Variants in CAPZA1 observed in about 807,000 individuals in gnomAD.
CAPZA1 encodes F-actin-capping protein subunit alpha-1.
CAPZA1 carries 10 observed loss-of-function variants against 40.8 expected under a neutral mutation model. That is an observed-to-expected ratio of 0.25 (90% CI 0.15 to 0.42). The LOEUF (loss-of-function observed/expected upper bound fraction) is 0.42, where lower values mean the gene tolerates loss of function less well. Ranked by LOEUF, CAPZA1 falls within the 10% of genes least tolerant of loss-of-function variation. The probability of loss-of-function intolerance (pLI) is 1.00; values close to 1 mark genes in which losing one functional copy is unlikely to be tolerated. For missense variants in CAPZA1, 277 were observed against 353.8 expected, an observed-to-expected ratio of 0.78 and a Z score of 1.74; for synonymous variants, 98 against 115.0, an observed-to-expected ratio of 0.85 and a Z score of 0.95.
At chr1:112,647,521 A>G (rs1346003798) in intron 2 of CAPZA1, among the ~76,000 whole-genome samples, 1 of 152,246 alleles carries the variant, frequency 6.6e-6, no homozygotes, top group Non-Finnish European at 1.5e-5. Context: ...GAAAAGATTT[A>G]ATGCAGATTA....
chr1:112,638,965 TAG>T (rs974092093), intron 1 of CAPZA1, among the ~76,000 whole-genome samples: 5 of 148,728 alleles, frequency 3.4e-5, no homozygotes, highest in South Asian at 2.1e-4. Flanking sequence ...GAGATATATA[TAG>T]AGAGAGAATA....
Position 112,658,117 on chromosome 1 carries a change from A to G in CAPZA1, c.427-905A>G, listed in dbSNP as rs116201948. 9.1e-4 allele frequency among the ~76,000 whole-genome samples: 139 copies of G among 152,302 alleles called. 1 individual carries two copies. Among genetic ancestry groups the G allele is most frequent in the African/African-American group, 3.2e-3 (134 of 41,570 alleles). ...TCTGTAGATAACACTGTATTTCATC[A>G]GATTTATTAGAGGAAAAAGAAAATA... On this transcript the variant is annotated intron_variant, in intron 5 of 9. Coordinates refer to ENST00000263168, the MANE Select transcript of CAPZA1 (RefSeq NM_006135.3).
At chr1:112,652,421 G>A (rs943948488) in intron 3 of CAPZA1, among the ~76,000 whole-genome samples, 2 of 148,540 alleles carry the variant, frequency 1.3e-5, no homozygotes, top group Non-Finnish European at 3.0e-5. Flanking sequence ...GGAGGTTGTG[G>A]TGAGCCAAGA....
rs549049248 is a variant in CAPZA1 at position 112,620,210 on chromosome 1, G to A, written c.39+327G>A. On this transcript the variant is annotated intron_variant, in intron 1 of 9. Transcript: ENST00000263168. ...TTTGCGAGAGGGTGGTGGTTATGTTGCGACATATCAAAAAGCAGTTATTTT... is the reference window on the plus strand; with the variant it reads ...TTTGCGAGAGGGTGGTGGTTATGTTACGACATATCAAAAAGCAGTTATTTT... 85 of 256,324 alleles carry A rather than the reference G, an allele frequency of 3.3e-4. 2 individuals are homozygous for A. The East Asian group carries it at 5.8e-3, about 17-fold the overall frequency. The allele number at this position is 256,324 out of a possible 1,614,324, so 15.9% of individuals were successfully genotyped here. A position where few individuals can be genotyped will look rare whatever the true frequency, so the allele number is the denominator to read the frequency against.
chr1:112,632,833 A>G (rs752028044), intron 1 of CAPZA1, among the ~76,000 whole-genome samples: 25 of 152,216 alleles, frequency 1.6e-4, no homozygotes, highest in Non-Finnish European at 3.1e-4. Flanking sequence ...AGAGAAAACA[A>G]TTTCTAAAGA....
In CAPZA1 at chr1:112,653,608, C is replaced by A; in HGVS notation, c.166C>A (p.Gln56Lys). Reference sequence around the variant, plus strand: ...TTTAAAAAAAAACAGTGCATTTGCCCAGTATAACATGGATCAGTTCACGCC... The same window carrying A: ...TTTAAAAAAAAACAGTGCATTTGCCAAGTATAACATGGATCAGTTCACGCC... The part of the protein sequence containing the change: ...LREGAAHAFA[Q>K]YNMDQFTPVK... The change falls in exon 4 of 10, where the codon CAG becomes AAG. Residue 56 changes from glutamine (Q) to lysine (K), a missense_variant. Around this residue, in one of 2 missense-constraint regions of CAPZA1, gnomAD observed 85 missense variants for 76.5 expected, o/e 1.11. Transcript: ENST00000263168. 6.4e-7 allele frequency: 1 copy of A among 1,566,558 alleles called. No homozygotes were observed. The highest frequency in any genetic ancestry group is 8.6e-7 in the Non-Finnish European group (1 of 1,161,102).
intron 7 of CAPZA1, among the ~76,000 whole-genome samples, chr1:112,661,263 C>G (rs181176124): frequency 7.2e-4 from 109 of 152,242 alleles, no homozygotes; most frequent in African/African-American, 2.6e-3. Flanking sequence ...GTGAGACAGG[C>G]TGGTGTTGAG....
intron 6 of CAPZA1, 113 bp from the exon 7 acceptor site, chr1:112,659,580 CTCTCTCTT>C: frequency 1.7e-6 from 1 of 594,828 alleles, no homozygotes; most frequent in Non-Finnish European, 2.8e-6. Context: ...CAGTTTCTCT[CTCTCTCTT>C]TTTTTTTTTC....
Position 112,639,969 on chromosome 1 carries a change from G to A in CAPZA1, c.40-7241G>A, listed in dbSNP as rs1570708826. On this transcript the variant is annotated intron_variant, in intron 1 of 9. Transcript: ENST00000263168. ...CCCCGTCCGGGAGGGAGGTGGGGGGGTCAGCCCCCCGCCCGGCCAGCCGCC... is the reference window on the plus strand; with the variant it reads ...CCCCGTCCGGGAGGGAGGTGGGGGGATCAGCCCCCCGCCCGGCCAGCCGCC... 2.6e-5 allele frequency among the ~76,000 whole-genome samples: 3 copies of A among 114,310 alleles called. No individual in the cohort carries two copies. The South Asian group carries it at 9.3e-4, about 35-fold the overall frequency. The allele number at this position is 114,310 out of a possible 152,430, so 75.0% of individuals were successfully genotyped here. A position where few individuals can be genotyped will look rare whatever the true frequency, so the allele number is the denominator to read the frequency against.
At chr1:112,648,546 G>C (rs972114418) in intron 2 of CAPZA1, among the ~76,000 whole-genome samples, 1 of 151,502 alleles carries the variant, frequency 6.6e-6, no homozygotes, top group Admixed American at 6.6e-5. Flanking sequence ...TCGATCTCTT[G>C]ACCTCATGAT....
At chr1:112,633,907 G>A (rs1251569811) in intron 1 of CAPZA1, among the ~76,000 whole-genome samples, 2 of 152,044 alleles carry the variant, frequency 1.3e-5, no homozygotes, top group Admixed American at 6.5e-5. Flanking sequence ...TGTTCAGACC[G>A]TTTGCCCATT....
chr1:112,666,223 GTTC>G (rs1480657338), intron 7 of CAPZA1, among the ~76,000 whole-genome samples: 2 of 152,110 alleles, frequency 1.3e-5, no homozygotes, highest in Non-Finnish European at 2.9e-5. Flanking sequence ...TGAGTTCTTT[GTTC>G]TTCTCCAAAT....
intron 7 of CAPZA1, among the ~76,000 whole-genome samples, chr1:112,661,848 A>C (rs1355171975): frequency 6.6e-6 from 1 of 152,262 alleles, no homozygotes; most frequent in Non-Finnish European, 1.5e-5. Context: ...AACCTTTTTA[A>C]GCACAGATTG....
intron 1 of CAPZA1, among the ~76,000 whole-genome samples, chr1:112,621,772 T>G (rs1001701244): frequency 2.7e-5 from 4 of 149,714 alleles, no homozygotes; most frequent in Admixed American, 1.3e-4. Flanking sequence ...TTTTTTTTTT[T>G]TTTTTTTGAG....
intron 1 of CAPZA1, among the ~76,000 whole-genome samples, chr1:112,634,126 C>T (rs1419933150): frequency 1.3e-5 from 2 of 152,068 alleles, no homozygotes; most frequent in East Asian, 3.8e-4. Context: ...GGAAAAACTC[C>T]CTTAGGAAAT....
At chr1:112,632,655 A>G (rs1161700554) in intron 1 of CAPZA1, among the ~76,000 whole-genome samples, 2 of 152,178 alleles carry the variant, frequency 1.3e-5, no homozygotes, top group Non-Finnish European at 2.9e-5. Context: ...GTGTTGTGAG[A>G]TGTACATAAT....
At chr1:112,662,793 A>G (rs187621436) in intron 7 of CAPZA1, among the ~76,000 whole-genome samples, 15 of 152,248 alleles carry the variant, frequency 9.9e-5, no homozygotes, top group Non-Finnish European at 1.5e-5. Flanking sequence ...CAGAAGTTCA[A>G]ACTAATTGTA....
chr1:112,669,207 G>A lies in CAPZA1; in HGVS notation c.658-336G>A, dbSNP rs2370886. Among the ~76,000 whole-genome samples the A allele has an allele frequency of 2.8e-3, 425 of 152,332 alleles. 11 individuals are homozygous for A. In the East Asian group the frequency reaches 0.069, roughly 25 times the overall value. On this transcript the variant is annotated intron_variant, in intron 8 of 9. Transcript: ENST00000263168. Reference sequence around the variant, plus strand: ...CATCAAGGTTTCAAGACTTGATGATGTCTTTTGGGCGTACTGTGGTAGAGT... The same window carrying A: ...CATCAAGGTTTCAAGACTTGATGATATCTTTTGGGCGTACTGTGGTAGAGT...
rs145898509 is a variant in CAPZA1 at position 112,659,708 on chromosome 1, C to T, written c.514C>T (p.Arg172Cys). ...QFQPKNFWNG[R>C]WRSEWKFTIT... ...GTGTGTGTGTTTTAATAGGAATGGT[C>T]GTTGGAGATCAGAGTGGAAGTTCAC... Residue 172 changes from arginine to cysteine, a missense_variant, in exon 7 of 10, where the codon CGT becomes TGT. This residue lies in a region of CAPZA1 where 192 missense variants were observed against 277.2 expected (regional missense o/e 0.69). Transcript: ENST00000263168. The T allele has an allele frequency of 2.5e-6, 4 of 1,611,900 alleles. No homozygotes were observed. The highest frequency in any genetic ancestry group is 3.4e-6 in the Non-Finnish European group (4 of 1,179,286).
Sources: allele counts gnomAD v4.1 joint callset (sites outside exome capture counted in the v4.1 genomes callset), GRCh38; gene constraint gnomAD v4.1.1; regional missense constraint gnomAD v4.1.1; transcripts MANE v1.5; gene names NCBI Gene and HGNC (gene_info 2026-07-23, HGNC 2026-07-21).